Variants in HTR4 observed in about 807,000 individuals in gnomAD.
The protein encoded by HTR4 is 5-hydroxytryptamine receptor 4, also known as 5-hydroxytryptamine (serotonin) receptor 4, G protein-coupled.
A neutral mutation model predicts 36.8 loss-of-function variants in HTR4; 16 were observed. The ratio of observed to expected loss-of-function variants is 0.43; its 90% CI spans 0.29 to 0.66. HTR4 has a LOEUF of 0.66. HTR4 is among the 30% of genes least tolerant of loss of function. The pLI is 0.13. For synonymous variants in HTR4, 189 were observed against 185.1 expected (o/e 1.02, Z -0.17); for missense variants, 438 against 490.9 (o/e 0.89, Z 1.02).
In HTR4 at chr5:148,532,330, T is replaced by C. The variant is rs371648391; in HGVS notation, c.354-8984A>G. Among the ~76,000 whole-genome samples the C allele has an allele frequency of 4.6e-5, 7 of 152,218 alleles. No individual in the cohort carries two copies. The East Asian group carries it at 9.6e-4, about 21-fold the overall frequency. ...AACCGTCCCCCAACTGATGTATAAG[T>C]TCCATGAGGACAGCAATGTTTGCCT... is the stretch of plus-strand genomic sequence containing the variant. On this transcript the variant is annotated intron_variant, in intron 4 of 6. Coordinates refer to ENST00000377888, the MANE Select transcript of HTR4 (RefSeq NM_000870.7).
chr5:148,605,527 G>A (rs895298121), intron 2 of HTR4, among the ~76,000 whole-genome samples: 10 of 151,596 alleles, frequency 6.6e-5, no homozygotes, highest in Non-Finnish European at 1.3e-4. Flanking sequence ...GAAACTGCTG[G>A]GATTACAGGT....
chr5:148,493,838 C>T (rs1208063568), intron 6 of HTR4, among the ~76,000 whole-genome samples: 1 of 152,164 alleles, frequency 6.6e-6, no homozygotes, highest in African/African-American at 2.4e-5. Flanking sequence ...CCTCATTCAT[C>T]TTTGATTTAC....
At chr5:148,591,739 A>G (rs1296551545) in intron 2 of HTR4, among the ~76,000 whole-genome samples, 1 of 152,224 alleles carries the variant, frequency 6.6e-6, no homozygotes, top group African/African-American at 2.4e-5. Flanking sequence ...GCAAATCAAA[A>G]CCACAATAAG....
At chr5:148,501,622 C>A (rs1756938065) in intron 6 of HTR4, among the ~76,000 whole-genome samples, 2 of 152,150 alleles carry the variant, frequency 1.3e-5, no homozygotes, top group South Asian at 4.1e-4. Context: ...TGGTATACGG[C>A]AGTGAATAAA....
At chr5:148,486,354 T>C (rs767846215) in intron 6 of HTR4, among the ~76,000 whole-genome samples, 11 of 152,126 alleles carry the variant, frequency 7.2e-5, no homozygotes, top group East Asian at 1.9e-4. Flanking sequence ...TCAGTGCACA[T>C]GGCTTTAACA....
intron 2 of HTR4, among the ~76,000 whole-genome samples, chr5:148,554,408 A>C (rs575506985): frequency 4.2e-4 from 64 of 152,346 alleles, no homozygotes; most frequent in African/African-American, 1.4e-3. Context: ...TACCACATGG[A>C]TGAACCTTAA....
chr5:148,509,465 T>C lies in HTR4; in HGVS notation c.1067A>G (p.His356Arg), dbSNP rs200581781. Residue 356 changes from histidine (H) to arginine (R), a missense_variant, in exon 6 of 7, where the codon CAT becomes CGT. Transcript: ENST00000377888. ...CCCTTAGTATACTCACCTTAGTACA[T>C]GTGTGGATCCATTAATGGTTGTGGT... ...CSTTTINGST[H>R]VLRDAVECGG... 1.1e-5 allele frequency: 18 copies of C among 1,606,922 alleles called. No homozygotes were observed. The highest frequency in any genetic ancestry group is 1.5e-5 in the Non-Finnish European group (18 of 1,175,532).
At chr5:148,454,245 G>T (rs1316360118) in intron 5 of HTR4, among the ~76,000 whole-genome samples, 1 of 152,092 alleles carries the variant, frequency 6.6e-6, no homozygotes, top group Non-Finnish European at 1.5e-5. Flanking sequence ...ACATAGCTTT[G>T]CTCTGTGGAT....
intron 6 of HTR4, among the ~76,000 whole-genome samples, chr5:148,488,588 T>G (rs1756271140): frequency 1.3e-5 from 2 of 151,848 alleles, no homozygotes; most frequent in African/African-American, 4.8e-5. Context: ...ATGGGTAGAG[T>G]GGTGATATGA....
intron 2 of HTR4, among the ~76,000 whole-genome samples, chr5:148,570,496 G>T (rs1297056184): frequency 6.6e-6 from 1 of 152,120 alleles, no homozygotes; most frequent in Admixed American, 6.6e-5. Flanking sequence ...ACTTAAAGAG[G>T]AATAGAAGTT....
chr5:148,471,646 G>A (rs1427307963), downstream of HTR4, among the ~76,000 whole-genome samples: 3 of 152,146 alleles, frequency 2.0e-5, no homozygotes, highest in African/African-American at 7.2e-5. Flanking sequence ...CCACAGGCAG[G>A]AAAATAGGGA....
intron 5 of HTR4, among the ~76,000 whole-genome samples, chr5:148,511,374 TGTAA>T (rs1757490449): frequency 6.6e-6 from 1 of 152,272 alleles, no homozygotes; most frequent in East Asian, 1.9e-4. Context: ...ATCATCATAA[TGTAA>T]TTTTATTTGT....
rs1373323474 is a variant in HTR4 at position 148,654,316 on chromosome 5, A to G, written c.-302T>C. Reference sequence around the variant, plus strand: ...CTCGCCGCGCATCGTCCTTCTCCCCAACCGAGCCGGACTCCACGGGCTCAA... The same window carrying G: ...CTCGCCGCGCATCGTCCTTCTCCCCGACCGAGCCGGACTCCACGGGCTCAA... On this transcript the variant is annotated 5_prime_UTR_variant, in exon 1 of 7. Transcript: ENST00000377888. The G allele has an allele frequency of 1.0e-6, 1 of 984,454 alleles. No individual in the cohort carries two copies. Among genetic ancestry groups the G allele is most frequent in the Non-Finnish European group, 1.2e-6 (1 of 829,366 alleles). The allele number at this position is 984,454 out of a possible 1,614,324, so 61.0% of individuals were successfully genotyped here. A position where few individuals can be genotyped will look rare whatever the true frequency, so the allele number is the denominator to read the frequency against.
At position 148,482,776 on chromosome 5, in the gene HTR4, C is replaced by G; in HGVS notation, c.*427G>C. ...GCGACGCCTCTGGCTAAGACAGGAACAGAGAGGGAGTATTTTGTTGATATC... is the reference window on the plus strand; with the variant it reads ...GCGACGCCTCTGGCTAAGACAGGAAGAGAGAGGGAGTATTTTGTTGATATC... On this transcript the variant is annotated 3_prime_UTR_variant, in exon 7 of 7. Transcript: ENST00000377888. 4 of 1,037,068 alleles carry G rather than the reference C, an allele frequency of 3.9e-6. No homozygotes were observed. Among genetic ancestry groups the G allele is most frequent in the Non-Finnish European group, 4.7e-6 (4 of 859,424 alleles). The allele number at this position is 1,037,068 out of a possible 1,614,324, so 64.2% of individuals were successfully genotyped here.
chr5:148,534,998 G>C (rs1445419301), intron 4 of HTR4, among the ~76,000 whole-genome samples: 2 of 152,100 alleles, frequency 1.3e-5, no homozygotes, highest in Non-Finnish European at 2.9e-5. Flanking sequence ...AGAGCATTTA[G>C]AGGGAACACA....
chr5:148,557,739 G>A (rs1760018878), intron 2 of HTR4, among the ~76,000 whole-genome samples: 1 of 148,988 alleles, frequency 6.7e-6, no homozygotes, highest in African/African-American at 2.5e-5. Context: ...CATTTCAAGT[G>A]AATATATGTA....
At position 148,636,989 on chromosome 5, in the gene HTR4, C is replaced by T. The variant is rs760074533; in HGVS notation, c.26G>A (p.Ser9Asn). The change falls in exon 2 of 7, where the codon AGT becomes AAT. Residue 9 changes from serine to asparagine, a missense_variant and splice_region_variant. By Grantham distance (46) the Ser-to-Asn change is conservative. Coordinates refer to ENST00000377888, the MANE Select transcript of HTR4 (RefSeq NM_000870.7). The part of the protein sequence containing the change: MDKLDANV[S>N]SEEGFGSVEK... ...CAATATGTACAGAAAGGTAACATAC[C>T]TCACATTAGCATCAAGTTTGTCCAT... is the stretch of plus-strand genomic sequence containing the variant. 1 of 1,586,818 alleles carries T rather than the reference C, an allele frequency of 6.3e-7. No individual in the cohort carries two copies.
intron 2 of HTR4, among the ~76,000 whole-genome samples, chr5:148,618,395 G>A (rs1160710240): frequency 2.6e-5 from 4 of 152,146 alleles, no homozygotes; most frequent in Non-Finnish European, 5.9e-5. Flanking sequence ...CTCCAACCAG[G>A]CTCAGCTTAT....
chr5:148,529,017 A>G lies in HTR4; in HGVS notation c.354-5671T>C, dbSNP rs1758427066. On this transcript the variant is annotated intron_variant, in intron 4 of 6. Transcript: ENST00000377888. ...ACCAACCTAACACTTTTGAGACAGG[A>G]ACTGTAAATATATCCATTTCACAGA... 2.6e-5 allele frequency among the ~76,000 whole-genome samples: 4 copies of G among 151,048 alleles called. No individual in the cohort carries two copies. The South Asian group carries it at 6.4e-4, about 24-fold the overall frequency.
Sources: allele counts gnomAD v4.1 joint callset (sites outside exome capture counted in the v4.1 genomes callset), GRCh38; gene constraint gnomAD v4.1.1; transcripts MANE v1.5; gene names NCBI Gene and HGNC (gene_info 2026-07-23, HGNC 2026-07-21).